Variants in NXPE2 observed in about 807,000 individuals in gnomAD.
NXPE2 encodes neurexophilin and PC-esterase domain family member 2.
A neutral mutation model predicts 34.4 loss-of-function variants in NXPE2; 34 were observed. The ratio of observed to expected loss-of-function variants is 0.99; its 90% confidence interval spans 0.75 to 1.31. The LOEUF is 1.31. NXPE2 is among the 40% of genes most tolerant of loss of function. The pLI, the probability that NXPE2 is intolerant of heterozygous loss-of-function variation, is 0.00. For missense variants in NXPE2, 649 were observed against 672.5 expected (o/e 0.97, Z 0.39); for synonymous variants, 235 against 231.3 (o/e 1.02, Z -0.15).
chr11:114,555,433 G>T, the NXPE2 span, among the ~76,000 whole-genome samples: 3 of 152,110 alleles, frequency 2.0e-5, no homozygotes, highest in African/African-American at 7.2e-5. Context: ...CACCATGTTG[G>T]CCAGGATGGT....
chr11:114,601,649 A>G, the NXPE2 span, among the ~76,000 whole-genome samples: 1 of 74,350 alleles, frequency 1.3e-5, no homozygotes, highest in Non-Finnish European at 2.3e-5. Context: ...ATATATAATT[A>G]TATATTATAA....
chr11:114,542,118 C>T, the NXPE2 span, among the ~76,000 whole-genome samples: 1 of 152,060 alleles, frequency 6.6e-6, no homozygotes, highest in Non-Finnish European at 1.5e-5. Flanking sequence ...ATTATATCTG[C>T]TTTGTAAATT....
chr11:114,540,534 A>G, the NXPE2 span, among the ~76,000 whole-genome samples: 1 of 152,208 alleles, frequency 6.6e-6, no homozygotes, highest in Admixed American at 6.5e-5. Flanking sequence ...ATGGGTGCGT[A>G]TGGGAAAAGA....
chr11:114,590,299 G>A, the NXPE2 span, among the ~76,000 whole-genome samples: 2 of 152,146 alleles, frequency 1.3e-5, no homozygotes, highest in East Asian at 3.9e-4. Flanking sequence ...GCCCAGCTTT[G>A]CAAAACCTTG....
the NXPE2 span, among the ~76,000 whole-genome samples, chr11:114,566,734 A>G: frequency 6.6e-6 from 1 of 152,174 alleles, no homozygotes; most frequent in African/African-American, 2.4e-5. Flanking sequence ...TATATATAGA[A>G]TATTTGCACA....
the NXPE2 span, among the ~76,000 whole-genome samples, chr11:114,794,136 C>A: frequency 1.3e-5 from 2 of 152,058 alleles, no homozygotes; most frequent in African/African-American, 4.8e-5. Flanking sequence ...TCTCTCCCGT[C>A]GGCTCTCCAT....
At chr11:114,591,165 T>G in the NXPE2 span, among the ~76,000 whole-genome samples, 19 of 152,348 alleles carry the variant, frequency 1.2e-4, no homozygotes, top group Non-Finnish European at 1.9e-4. Flanking sequence ...ATGATGTTAT[T>G]GAAAGTGCAC....
chr11:114,745,518 G>A, the NXPE2 span, among the ~76,000 whole-genome samples: 1 of 152,004 alleles, frequency 6.6e-6, no homozygotes, highest in Admixed American at 6.6e-5. Context: ...CCAATACTGG[G>A]GATCAGATTT....
chr11:114,779,315 G>A, the NXPE2 span, among the ~76,000 whole-genome samples: 2 of 125,184 alleles, frequency 1.6e-5, no homozygotes, highest in Admixed American at 7.8e-5. Flanking sequence ...AGCCTGGAGT[G>A]GGGTGTGGGG....
chr11:114,804,969 A>C, the NXPE2 span, among the ~76,000 whole-genome samples: 323 of 152,252 alleles, frequency 2.1e-3, 5 homozygotes, highest in Admixed American at 0.019. Flanking sequence ...TGAAACTCCC[A>C]GGGGATGTTT....
At chr11:114,714,249 T>G in the NXPE2 span, among the ~76,000 whole-genome samples, 4 of 132,328 alleles carry the variant, frequency 3.0e-5, no homozygotes, top group Non-Finnish European at 6.6e-5. Flanking sequence ...TTGGTAATTC[T>G]AGTCTTTTTT....
chr11:114,607,622 G>A, the NXPE2 span, among the ~76,000 whole-genome samples: 2 of 151,832 alleles, frequency 1.3e-5, no homozygotes, highest in African/African-American at 2.4e-5. Flanking sequence ...GTGTTACCCG[G>A]TGGATAAGTG....
At chr11:114,765,547 A>AT in the NXPE2 span, among the ~76,000 whole-genome samples, 4 of 152,202 alleles carry the variant, frequency 2.6e-5, no homozygotes, top group East Asian at 3.9e-4. Context: ...CTTTATTGTG[A>AT]TTTTTTTGTT....
chr11:114,746,828 G>T, the NXPE2 span, among the ~76,000 whole-genome samples: 1 of 149,632 alleles, frequency 6.7e-6, no homozygotes, highest in East Asian at 2.0e-4. Flanking sequence ...TCCAGCCTGG[G>T]CAATAGAGTA....
the NXPE2 span, among the ~76,000 whole-genome samples, chr11:114,653,979 TGGAA>T: frequency 2.0e-5 from 3 of 152,112 alleles, no homozygotes; most frequent in African/African-American, 7.2e-5. Context: ...GAGGCATACT[TGGAA>T]GGAAGGCATA....
the NXPE2 span, chr11:114,521,964 T>A: frequency 3.1e-6 from 5 of 1,599,684 alleles, no homozygotes; most frequent in Admixed American, 6.7e-5. Flanking sequence ...ATAGTATTTA[T>A]CCCTTAGCAA....
At chr11:114,759,537 C>T in the NXPE2 span, among the ~76,000 whole-genome samples, 46 of 152,222 alleles carry the variant, frequency 3.0e-4, no homozygotes, top group African/African-American at 1.0e-3. Flanking sequence ...CTCCTTATTG[C>T]GTCAGTTTCT....
the NXPE2 span, among the ~76,000 whole-genome samples, chr11:114,738,830 T>C: frequency 6.6e-6 from 1 of 152,108 alleles, no homozygotes; most frequent in African/African-American, 2.4e-5. Context: ...CAGGATGTTT[T>C]TTTTTCATAT....
chr11:114,503,587 T>A, the NXPE2 span, among the ~76,000 whole-genome samples: 1 of 151,738 alleles, frequency 6.6e-6, no homozygotes, highest in African/African-American at 2.4e-5. Flanking sequence ...TATGTCAAGA[T>A]AATTTTGCAG....
Sources: allele counts gnomAD v4.1 joint callset (sites outside exome capture counted in the v4.1 genomes callset), GRCh38; gene constraint gnomAD v4.1.1; transcripts MANE v1.5; gene names NCBI Gene and HGNC (gene_info 2026-07-23, HGNC 2026-07-21).